The following RAVER2 variants were observed in gnomAD, a reference collection of about 807,000 sequenced individuals.
RAVER2 encodes ribonucleoprotein, PTB binding 2, also known as ribonucleoprotein PTB-binding 2.
A neutral mutation model predicts 78.1 loss-of-function variants in RAVER2; 46 were observed. The observed-to-expected ratio is 0.59, with a 90% CI of 0.46 to 0.75. RAVER2 has a LOEUF of 0.75. Among genes scored for constraint, RAVER2 ranks in the 30% least tolerant of loss-of-function variants. RAVER2 has a pLI of 0.00. For missense variants in RAVER2, 793 were observed against 837.5 expected (o/e 0.95, Z 0.66); for synonymous variants, 311 against 313.3 (o/e 0.99, Z 0.08).
intron 1 of RAVER2, among the ~76,000 whole-genome samples, chr1:64,762,415 T>G (rs972313409): frequency 1.3e-5 from 2 of 150,724 alleles, no homozygotes; most frequent in Non-Finnish European, 3.0e-5. Flanking sequence ...GAAAACTGAT[T>G]CTAAAATTTG....
At chr1:64,818,974 A>G (rs1337280495) in intron 11 of RAVER2, among the ~76,000 whole-genome samples, 1 of 152,254 alleles carries the variant, frequency 6.6e-6, no homozygotes, top group Admixed American at 6.5e-5. Context: ...TCTCCAGCAC[A>G]GAGGAGACAG....
chr1:64,772,609 A>G lies in RAVER2; in HGVS notation c.316+3887A>G, dbSNP rs377398125. ...GAATGGTTAACTCTAAGAGAGGATC[A>G]GGGAAGCTTCCTGGAGATCATGATG... On this transcript the variant is annotated intron_variant, in intron 2 of 11. Coordinates refer to ENST00000294428, the Ensembl canonical transcript of RAVER2. Among the ~76,000 whole-genome samples, 32 of 152,332 alleles carry G rather than the reference A, an allele frequency of 2.1e-4. 7 individuals carry two copies. The highest frequency in any genetic ancestry group is 3.9e-4 in the Admixed American group (6 of 15,292).
At chr1:64,774,710 A>G (rs1172279208) in intron 2 of RAVER2, among the ~76,000 whole-genome samples, 1 of 152,166 alleles carries the variant, frequency 6.6e-6, no homozygotes, top group Non-Finnish European at 1.5e-5. Context: ...CAATTCTGTG[A>G]AGAAAGTCAT....
At chr1:64,806,637 T>C (rs1446423340) in intron 8 of RAVER2, among the ~76,000 whole-genome samples, 1 of 152,202 alleles carries the variant, frequency 6.6e-6, no homozygotes, top group African/African-American at 2.4e-5. Flanking sequence ...ATACTCCAGC[T>C]GTGACTGATT....
chr1:64,776,551 C>T (rs1056176491), intron 2 of RAVER2, among the ~76,000 whole-genome samples: 11 of 152,148 alleles, frequency 7.2e-5, no homozygotes, highest in Non-Finnish European at 1.2e-4. Flanking sequence ...TTGCTATATC[C>T]ATATTTGCTG....
At chr1:64,747,706 G>A (rs977240451) in intron 1 of RAVER2, among the ~76,000 whole-genome samples, 1 of 151,946 alleles carries the variant, frequency 6.6e-6, no homozygotes, top group African/African-American at 2.4e-5. Flanking sequence ...TAGAGATGTG[G>A]TTTTGCCATG....
At chr1:64,755,723 A>ATTT (rs1258468090) in intron 1 of RAVER2, among the ~76,000 whole-genome samples, 5 of 66,638 alleles carry the variant, frequency 7.5e-5, no homozygotes, top group African/African-American at 3.6e-4. Flanking sequence ...TATGCTTCAT[A>ATTT]GTTTTTTTTT....
intron 11 of RAVER2, among the ~76,000 whole-genome samples, chr1:64,819,780 A>C (rs1309810977): frequency 6.6e-6 from 1 of 152,192 alleles, no homozygotes; most frequent in African/African-American, 2.4e-5. Flanking sequence ...CAGGTTTCTC[A>C]ATCTTGGTAC....
exon 4 of RAVER2, chr1:64,781,535 A>C (rs1652628655): frequency 1.9e-6 from 3 of 1,613,998 alleles, no homozygotes; most frequent in Non-Finnish European, 2.5e-6. Flanking sequence ...CGCCAGGGCG[A>C]AGTACATTAG....
intron 11 of RAVER2, among the ~76,000 whole-genome samples, chr1:64,829,876 G>A (rs974011872): frequency 3.9e-5 from 6 of 152,108 alleles, no homozygotes; most frequent in African/African-American, 1.2e-4. Flanking sequence ...AGGACGCAGC[G>A]TTCTTTCAGT....
At chr1:64,801,520 C>CT (rs201988176) in intron 5 of RAVER2, among the ~76,000 whole-genome samples, 59,091 of 144,800 alleles carry the variant, frequency 0.41, 15,175 homozygotes, top group African/African-American at 0.73. Context: ...AACATCCTCC[C>CT]TTTTTTTTTT....
rs929254407 is a variant in RAVER2 at position 64,745,122 on chromosome 1, C to T, written c.-51C>T. On this transcript the variant is annotated 5_prime_UTR_variant, in exon 1 of 12. Transcript: ENST00000294428. This position sits in a 1 kb window ranked among gnomAD's most constrained non-coding sequence, Gnocchi z 4.3. Reference sequence around the variant, plus strand: ...CGGGCCTCCTCCCGCTTTCTCTCTCCGCTTCCCCTGGAGCCTCCGAGGAGT... The same window carrying T: ...CGGGCCTCCTCCCGCTTTCTCTCTCTGCTTCCCCTGGAGCCTCCGAGGAGT... 1.2e-5 allele frequency: 12 copies of T among 1,017,814 alleles called. No homozygotes were observed. The African/African-American group carries it at 1.6e-4, about 13-fold the overall frequency. 63.0% of individuals were successfully genotyped at this position (1,017,814 alleles called of 1,614,324 possible). A position where few individuals can be genotyped will look rare whatever the true frequency, so the allele number is the denominator to read the frequency against.
chr1:64,773,350 A>C (rs1017793589), intron 2 of RAVER2, among the ~76,000 whole-genome samples: 5 of 151,660 alleles, frequency 3.3e-5, no homozygotes, highest in African/African-American at 1.2e-4. Context: ...ACACCCCCCG[A>C]CAGGCCCCAG....
At chr1:64,751,682 G>A (rs1009313450) in intron 1 of RAVER2, among the ~76,000 whole-genome samples, 3 of 152,092 alleles carry the variant, frequency 2.0e-5, no homozygotes, top group African/African-American at 7.2e-5. Flanking sequence ...CTGCACTGTG[G>A]CCTCAAGCTC....
chr1:64,789,066 A>C (rs1208449889), intron 4 of RAVER2, among the ~76,000 whole-genome samples: 1 of 152,044 alleles, frequency 6.6e-6, no homozygotes, highest in Non-Finnish European at 1.5e-5. Context: ...AAGTATCCAT[A>C]TTGTGTCAAC....
exon 12 of RAVER2, chr1:64,832,074 G>C (rs1654155752): frequency 6.6e-6 from 1 of 152,540 alleles, no homozygotes; most frequent in African/African-American, 2.4e-5. Context: ...AGACAGACTT[G>C]TAAGTGGAAA....
At position 64,767,556 on chromosome 1, in the gene RAVER2, G is replaced by A. The variant is rs79134291; in HGVS notation, c.250-1100G>A. Among the ~76,000 whole-genome samples, 222 of 152,016 alleles carry A rather than the reference G, an allele frequency of 1.5e-3. 1 individual carries two copies. Among genetic ancestry groups the A allele is most frequent in the African/African-American group, 5.1e-3 (211 of 41,492 alleles). ...TTTAGGTTACATACTTAACATAATA[G>A]CACCTGTGTATATTTAGCATATTCA... is the stretch of plus-strand genomic sequence containing the variant. On this transcript the variant is annotated intron_variant, in intron 1 of 11. Coordinates refer to ENST00000294428, the Ensembl canonical transcript of RAVER2.
chr1:64,771,932 T>C (rs1652330898), intron 2 of RAVER2, among the ~76,000 whole-genome samples: 1 of 152,076 alleles, frequency 6.6e-6, no homozygotes, highest in South Asian at 2.1e-4. Flanking sequence ...ATGGTAGATA[T>C]GAGGAAATTA....
At chr1:64,822,367 A>C (rs1570584921) in intron 11 of RAVER2, among the ~76,000 whole-genome samples, 2 of 152,366 alleles carry the variant, frequency 1.3e-5, no homozygotes, top group East Asian at 3.9e-4. Context: ...TTTAAAAATC[A>C]AATATAAATT....
Sources: gnomAD v4.1 joint callset for allele counts (sites outside exome capture counted in the v4.1 genomes callset) on GRCh38, gnomAD v4.1.1 for gene constraint, Gnocchi (gnomAD v3.1) non-coding constraint, MANE v1.5 for transcripts, NCBI Gene and HGNC (gene_info 2026-07-23, HGNC 2026-07-21) for gene names.